ATG7: variants seen among roughly 807,000 people sequenced by gnomAD.
The protein encoded by ATG7 is autophagy related 7, also known as ubiquitin-like modifier-activating enzyme ATG7.
A neutral mutation model predicts 82.4 loss-of-function variants in ATG7; 70 were observed. That is an observed-to-expected ratio of 0.85 (90% CI 0.70 to 1.04). The LOEUF (loss-of-function observed/expected upper bound fraction) is 1.04. Ranked by LOEUF, ATG7 falls within the 50% of genes least tolerant of loss-of-function variation. The probability of loss-of-function intolerance (pLI) is 0.00; values close to 1 mark genes in which losing one functional copy is unlikely to be tolerated. For missense variants in ATG7, 792 were observed against 864.3 expected (o/e 0.92, Z 1.05); for synonymous variants, 287 against 313.0 (o/e 0.92, Z 0.88).
chr3:11,386,569 G>A (rs780197278), intron 19 of ATG7, among the ~76,000 whole-genome samples: 23 of 152,128 alleles, frequency 1.5e-4, no homozygotes, highest in Non-Finnish European at 1.9e-4. Context: ...CCTGTGCCAG[G>A]AATCTTTGCA....
the ATG7 span, among the ~76,000 whole-genome samples, chr3:11,566,629 G>A: frequency 9.5e-4 from 145 of 152,244 alleles, no homozygotes; most frequent in African/African-American, 3.1e-3. Context: ...CAAATAAGAT[G>A]CGGCCACTCT....
At chr3:11,280,496 C>T (rs1942854565) in intron 1 of ATG7, among the ~76,000 whole-genome samples, 2 of 152,184 alleles carry the variant, frequency 1.3e-5, no homozygotes, top group African/African-American at 4.8e-5. Flanking sequence ...AACCTATGCC[C>T]TTTCCAGTCT....
At chr3:11,539,863 C>G (rs531708894) in intron 20 of ATG7, among the ~76,000 whole-genome samples, 1 of 152,256 alleles carries the variant, frequency 6.6e-6, no homozygotes, top group Non-Finnish European at 1.5e-5. Flanking sequence ...CCCTGCACAG[C>G]CGCCTGGAGG....
Position 11,555,076 on chromosome 3 carries a change from A to G in ATG7, c.*233A>G. The G allele has an allele frequency of 1.9e-6, 1 of 538,342 alleles. No individual in the cohort carries two copies. 33.3% of individuals were successfully genotyped at this position (538,342 alleles called of 1,614,324 possible). The stretch of plus-strand genomic sequence containing the variant: ...AACCTTGGCCTTGGCCTTGCTATTG[A>G]CCTGGGACTTGGTCCTCCATGCAGT... On this transcript the variant is annotated 3_prime_UTR_variant, in exon 21 of 21. Transcript: ENST00000693202.
At chr3:11,513,251 C>T (rs554518422) in intron 20 of ATG7, among the ~76,000 whole-genome samples, 1 of 152,358 alleles carries the variant, frequency 6.6e-6, no homozygotes, top group African/African-American at 2.4e-5. Flanking sequence ...GTCTGCACTC[C>T]TCAGCCCTTG....
At chr3:11,392,044 G>C (rs1408503358) in intron 19 of ATG7, among the ~76,000 whole-genome samples, 2 of 151,466 alleles carry the variant, frequency 1.3e-5, no homozygotes, top group African/African-American at 4.9e-5. Context: ...TGGAAATCTT[G>C]TCCTTTGAAA....
chr3:11,572,336 A>G, the ATG7 span, among the ~76,000 whole-genome samples: 2 of 152,276 alleles, frequency 1.3e-5, no homozygotes, highest in South Asian at 2.1e-4. Flanking sequence ...AACGATTCCA[A>G]TATATATTGG....
At chr3:11,534,498 C>T (rs2092752988) in intron 20 of ATG7, among the ~76,000 whole-genome samples, 1 of 152,244 alleles carries the variant, frequency 6.6e-6, no homozygotes, top group Non-Finnish European at 1.5e-5. Flanking sequence ...GAGGACACCT[C>T]CCCAGAGCCA....
chr3:11,523,532 T>C (rs537411908), intron 20 of ATG7, among the ~76,000 whole-genome samples: 1 of 152,232 alleles, frequency 6.6e-6, no homozygotes, highest in Admixed American at 6.5e-5. Context: ...GATGGAAAAG[T>C]CTGTGCTGCC....
At chr3:11,283,902 A>G (rs1195008239) in intron 3 of ATG7, among the ~76,000 whole-genome samples, 2 of 152,218 alleles carry the variant, frequency 1.3e-5, no homozygotes, top group African/African-American at 2.4e-5. Flanking sequence ...ATTGCACTCC[A>G]GCCTGGACGA....
chr3:11,341,177 T>C (rs1459660581), intron 12 of ATG7, among the ~76,000 whole-genome samples: 1 of 151,308 alleles, frequency 6.6e-6, no homozygotes, highest in East Asian at 2.0e-4. Context: ...TTCTCCTGCC[T>C]CAGCCTCCTG....
intron 20 of ATG7, among the ~76,000 whole-genome samples, chr3:11,554,426 T>C (rs1010152000): frequency 2.6e-5 from 4 of 152,100 alleles, no homozygotes; most frequent in African/African-American, 7.2e-5. Context: ...CTCAGGGAGC[T>C]TGCCTTCCAG....
chr3:11,339,781 G>T (rs188608751), intron 11 of ATG7, among the ~76,000 whole-genome samples: 3 of 152,202 alleles, frequency 2.0e-5, no homozygotes, highest in African/African-American at 7.2e-5. Context: ...GGAGAGCCAC[G>T]TAAGTGTGGG....
chr3:11,489,883 T>A (rs369034852), intron 20 of ATG7, among the ~76,000 whole-genome samples: 9 of 152,000 alleles, frequency 5.9e-5, no homozygotes, highest in Non-Finnish European at 4.4e-5. Flanking sequence ...TGCTGAGGAG[T>A]GCTTTACTTC....
chr3:11,391,007 T>C (rs2078757393), intron 19 of ATG7, among the ~76,000 whole-genome samples: 1 of 152,180 alleles, frequency 6.6e-6, no homozygotes, highest in African/African-American at 2.4e-5. Context: ...AGCCATGAAG[T>C]TGGAATAAGA....
chr3:11,323,634 A>G (rs1433469638), intron 9 of ATG7, among the ~76,000 whole-genome samples: 1 of 152,220 alleles, frequency 6.6e-6, no homozygotes, highest in Admixed American at 6.5e-5. Context: ...GTTATTGAAG[A>G]TTGAATGTTT....
intron 3 of ATG7, among the ~76,000 whole-genome samples, chr3:11,284,117 T>G (rs1943535844): frequency 6.6e-6 from 1 of 152,194 alleles, no homozygotes; most frequent in Non-Finnish European, 1.5e-5. Flanking sequence ...TTTCTCTCCC[T>G]CTGTTTTTTA....
intron 5 of ATG7, among the ~76,000 whole-genome samples, chr3:11,306,498 C>G (rs1358484820): frequency 2.0e-5 from 3 of 152,224 alleles, no homozygotes; most frequent in Non-Finnish European, 4.4e-5. Flanking sequence ...AGGCACAGCA[C>G]AGTACCTTGG....
Position 11,446,601 on chromosome 3 carries a change from T to C in ATG7, c.2079+19675T>C. On this transcript the variant is annotated intron_variant, in intron 20 of 20. Transcript: ENST00000693202. ...TGTCATAAATGAGCCTTTAAAAGAATGAGGCACATGATACATCATGGTACT... is the reference window on the plus strand; with the variant it reads ...TGTCATAAATGAGCCTTTAAAAGAACGAGGCACATGATACATCATGGTACT... 1.0e-5 allele frequency: 4 copies of C among 384,290 alleles called. No homozygotes were observed. In the Middle Eastern group the frequency reaches 1.4e-3, roughly 137 times the overall value. 23.8% of individuals were successfully genotyped at this position (384,290 alleles called of 1,614,324 possible).
Sources: gnomAD v4.1 joint callset for allele counts (sites outside exome capture counted in the v4.1 genomes callset) on GRCh38, gnomAD v4.1.1 for gene constraint, MANE v1.5 for transcripts, NCBI Gene and HGNC (gene_info 2026-07-23, HGNC 2026-07-21) for gene names.